The following ANKS1B variants were observed in gnomAD, a reference collection of about 807,000 sequenced individuals.
The protein encoded by ANKS1B is ankyrin repeat and sterile alpha motif domain-containing protein 1B.
ANKS1B carries 36 observed loss-of-function variants against 148.3 expected under a neutral mutation model. That is an observed-to-expected ratio of 0.24 (90% confidence interval 0.19 to 0.32). The LOEUF (loss-of-function observed/expected upper bound fraction) is 0.32, where lower values mean the gene tolerates loss of function less well. Among genes scored for constraint, ANKS1B ranks in the 10% least tolerant of loss-of-function variants. The probability of loss-of-function intolerance (pLI) is 1.00; values close to 1 mark genes in which losing one functional copy is unlikely to be tolerated. For synonymous variants in ANKS1B, 542 were observed against 560.8 expected (o/e 0.97, Z 0.47); for missense variants, 1,157 against 1,542.6 (o/e 0.75, Z 4.19).
intron 16 of ANKS1B, among the ~76,000 whole-genome samples, chr12:99,075,817 A>G (rs1186965047): frequency 7.5e-6 from 1 of 132,684 alleles, no homozygotes; most frequent in Non-Finnish European, 1.6e-5. Flanking sequence ...ACAACAAAAA[A>G]TGTATTATCG....
intron 9 of ANKS1B, among the ~76,000 whole-genome samples, chr12:99,572,481 G>A (rs2097467793): frequency 6.6e-6 from 1 of 152,006 alleles, no homozygotes; most frequent in East Asian, 1.9e-4. Context: ...TATAAGCCAT[G>A]CAATTTTATA....
rs574315670 is a variant in ANKS1B at position 99,150,474 on chromosome 12, G to GC, written c.2526+3814dup. Among the ~76,000 whole-genome samples the GC allele has an allele frequency of 2.4e-3, 366 of 152,154 alleles. 2 individuals carry two copies. Among genetic ancestry groups the GC allele is most frequent in the Middle Eastern group, 6.8e-3 (2 of 294 alleles). ...CATTAAAGAAAGCTACCTAAACTAGGCAAGAATTGAGTTATACCTTTGAGG... is the reference window on the plus strand; with the variant it reads ...CATTAAAGAAAGCTACCTAAACTAGGCCAAGAATTGAGTTATACCTTTGAGG... On this transcript the variant is annotated intron_variant, in intron 15 of 26. Coordinates refer to ENST00000683438, the MANE Select transcript of ANKS1B (RefSeq NM_001352186.2).
chr12:99,814,542 G>C (rs930220721), intron 2 of ANKS1B, among the ~76,000 whole-genome samples: 11 of 151,686 alleles, frequency 7.3e-5, no homozygotes, highest in Admixed American at 4.0e-4. Context: ...TTGTTATATA[G>C]GGTCTTCCAT....
intron 10 of ANKS1B, among the ~76,000 whole-genome samples, chr12:99,473,596 T>C (rs553377682): frequency 2.8e-4 from 43 of 152,206 alleles, no homozygotes; most frequent in African/African-American, 9.9e-4. Flanking sequence ...CAATACTTGA[T>C]ATTGTCAGAA....
intron 15 of ANKS1B, among the ~76,000 whole-genome samples, chr12:99,151,474 G>T (rs577596717): frequency 2.1e-4 from 32 of 151,632 alleles, no homozygotes; most frequent in African/African-American, 7.3e-4. Flanking sequence ...GCTGCAGGGG[G>T]CTGAGATCAC....
intron 12 of ANKS1B, among the ~76,000 whole-genome samples, chr12:99,327,480 T>C (rs1416483460): frequency 7.2e-6 from 1 of 138,728 alleles, no homozygotes; most frequent in Non-Finnish European, 1.5e-5. Context: ...AAAATATATA[T>C]ATTATATATT....
chr12:99,832,901 T>C (rs536387569), intron 1 of ANKS1B, among the ~76,000 whole-genome samples: 9 of 152,352 alleles, frequency 5.9e-5, no homozygotes, highest in Non-Finnish European at 1.2e-4. Context: ...TCTGAATGTA[T>C]TGACTTTGAA....
At chr12:98,743,539 T>A (rs2097822176), downstream of ANKS1B, among the ~76,000 whole-genome samples, 1 of 150,886 alleles carries the variant, frequency 6.6e-6, no homozygotes, top group Non-Finnish European at 1.5e-5. Context: ...CCGCCTCTCA[T>A]CTGCCCCCTG....
intron 8 of ANKS1B, among the ~76,000 whole-genome samples, chr12:99,693,544 C>G (rs1339999819): frequency 2.0e-5 from 3 of 152,102 alleles, no homozygotes; most frequent in Non-Finnish European, 4.4e-5. Flanking sequence ...ACATTGGTAT[C>G]CAGCATACTA....
At chr12:99,599,114 C>T (rs1020576868) in intron 9 of ANKS1B, among the ~76,000 whole-genome samples, 4 of 152,040 alleles carry the variant, frequency 2.6e-5, no homozygotes, top group African/African-American at 9.7e-5. Context: ...TGTGATTGCA[C>T]TTAGGGCCCA....
At chr12:99,317,261 T>G (rs1346464220) in intron 12 of ANKS1B, among the ~76,000 whole-genome samples, 2 of 152,224 alleles carry the variant, frequency 1.3e-5, no homozygotes, top group Non-Finnish European at 2.9e-5. Context: ...TCCTGGGCAG[T>G]ATGGCCATTT....
At chr12:99,837,083 G>T (rs956104615) in intron 1 of ANKS1B, among the ~76,000 whole-genome samples, 1 of 152,156 alleles carries the variant, frequency 6.6e-6, no homozygotes, top group African/African-American at 2.4e-5. Context: ...ATTACAAGTG[G>T]AGAAGAGGGA....
At chr12:98,838,564 C>T (rs976326504) in intron 17 of ANKS1B, among the ~76,000 whole-genome samples, 3 of 152,182 alleles carry the variant, frequency 2.0e-5, no homozygotes, top group Non-Finnish European at 2.9e-5. Context: ...GGCACACAAG[C>T]GATTCTAGTT....
At chr12:99,053,973 A>T (rs1397426981) in intron 16 of ANKS1B, among the ~76,000 whole-genome samples, 2 of 152,234 alleles carry the variant, frequency 1.3e-5, no homozygotes, top group African/African-American at 4.8e-5. Context: ...TAGGAGAACA[A>T]AGAAATGTGA....
At chr12:99,278,173 A>T (rs1465809722) in intron 12 of ANKS1B, among the ~76,000 whole-genome samples, 1 of 152,212 alleles carries the variant, frequency 6.6e-6, no homozygotes, top group Non-Finnish European at 1.5e-5. Context: ...AAGTGGGACC[A>T]TGTGACAGAG....
intron 17 of ANKS1B, among the ~76,000 whole-genome samples, chr12:98,883,655 T>G (rs189964094): frequency 7.2e-5 from 11 of 152,204 alleles, no homozygotes; most frequent in Admixed American, 1.3e-4. Flanking sequence ...AACTTTACAA[T>G]TTAAGATAAA....
intron 25 of ANKS1B, among the ~76,000 whole-genome samples, chr12:98,763,748 T>A (rs1237209860): frequency 6.6e-6 from 1 of 152,220 alleles, no homozygotes; most frequent in East Asian, 1.9e-4. Context: ...TAACATATTT[T>A]ATGTGCAGTC....
chr12:99,038,094 T>C (rs531186768), intron 17 of ANKS1B, among the ~76,000 whole-genome samples: 1 of 152,330 alleles, frequency 6.6e-6, no homozygotes, highest in African/African-American at 2.4e-5. Context: ...TGGCCACACA[T>C]TGGTTTTTCT....
At chr12:99,089,393 C>G (rs1228930320) in intron 15 of ANKS1B, among the ~76,000 whole-genome samples, 1 of 152,162 alleles carries the variant, frequency 6.6e-6, no homozygotes, top group Non-Finnish European at 1.5e-5. Context: ...TTAAGAATGA[C>G]CCCTCAATTG....
Sources: gnomAD v4.1 joint callset for allele counts (sites outside exome capture counted in the v4.1 genomes callset) on GRCh38, gnomAD v4.1.1 for gene constraint, MANE v1.5 for transcripts, NCBI Gene and HGNC (gene_info 2026-07-23, HGNC 2026-07-21) for gene names.